The following SART1 variants were observed in gnomAD, a reference collection of about 807,000 sequenced individuals.
SART1 encodes spliceosome associated factor 1, recruiter of U4/U6.U5 tri-snRNP.
Under a neutral mutation model 105.0 loss-of-function variants are expected in SART1, and 28 were observed. That is an observed-to-expected ratio of 0.27 (90% CI 0.20 to 0.37). The LOEUF (loss-of-function observed/expected upper bound fraction) is 0.37, where lower values mean the gene tolerates loss of function less well. Among genes scored for constraint, SART1 ranks in the 10% least tolerant of loss-of-function variants. SART1 has a pLI of 1.00. For synonymous variants in SART1, 472 were observed against 462.9 expected (o/e 1.02, Z -0.25); for missense variants, 894 against 1,106.5 (o/e 0.81, Z 2.72).
At position 65,965,968 on chromosome 11, in the gene SART1, C is replaced by T. The variant is rs922649812; in HGVS notation, c.820C>T (p.Leu274Phe). 2 of 1,614,106 alleles carry T rather than the reference C, an allele frequency of 1.2e-6. No individual in the cohort carries two copies. Among genetic ancestry groups the T allele is most frequent in the African/African-American group, 2.7e-5 (2 of 75,050 alleles). Reference sequence around the variant, plus strand: ...CTTCCGAGAAGGGGAGACAATGATTCTTACCCTCAAGGACAAAGGTAATGC... The same window carrying T: ...CTTCCGAGAAGGGGAGACAATGATTTTTACCCTCAAGGACAAAGGTAATGC... Reference protein sequence around the residue: ...DSFREGETMILTLKDKGVLQE... With the variant: ...DSFREGETMIFTLKDKGVLQE... Residue 274 changes from leucine (L) to phenylalanine (F), a missense_variant, in exon 7 of 20, where the codon CTT becomes TTT. Physicochemically the swap from Leu to Phe is conservative, Grantham distance 22. Around this residue, in one of 2 missense-constraint regions of SART1, gnomAD observed 712 missense variants for 778.2 expected, o/e 0.91. Transcript: ENST00000312397.
chr11:65,966,456 G>T lies in SART1; in HGVS notation c.1088G>T (p.Arg363Leu). The change falls in exon 9 of 20, where the codon CGG becomes CTG. Residue 363 changes from arginine (R) to leucine (L), a missense_variant. By Grantham distance (102) the Arg-to-Leu change is moderately radical. Coordinates refer to ENST00000312397, the MANE Select transcript of SART1 (RefSeq NM_005146.5). ...GGCACGGCTGATGGCCTGCGGGAGC[G>T]GGAGCTGGAGGAGATCCGGGCCAAG... is the stretch of plus-strand genomic sequence containing the variant. ...QGGTADGLRE[R>L]ELEEIRAKLR... The T allele has an allele frequency of 1.2e-6, 2 of 1,612,930 alleles. No individual in the cohort carries two copies. Among genetic ancestry groups the T allele is most frequent in the African/African-American group, 2.7e-5 (2 of 75,078 alleles).
chr11:65,977,456 A>T, intron 15 of SART1, 107 bp from the exon 16 acceptor site: 1 of 905,376 alleles, frequency 1.1e-6, no homozygotes, highest in East Asian at 2.5e-5. Context: ...GGCTTTCCAG[A>T]GGCAAGGAAA....
At chr11:65,967,120 C>A in intron 9 of SART1, 139 bp from the exon 10 acceptor site, 1 of 1,250,890 alleles carries the variant, frequency 8.0e-7, no homozygotes. Flanking sequence ...GTAACCACCC[C>A]ACATGTTGCT....
chr11:65,965,620 C>A, intron 5 of SART1, 82 bp from the exon 6 acceptor site: 2 of 1,449,602 alleles, frequency 1.4e-6, no homozygotes, highest in Non-Finnish European at 1.9e-6. Context: ...GCCCTTTTTG[C>A]ACTCCGCTTG....
At chr11:65,962,465 GA>G (rs1855166724) in intron 1 of SART1, among the ~76,000 whole-genome samples, 1 of 152,252 alleles carries the variant, frequency 6.6e-6, no homozygotes, top group Admixed American at 6.5e-5. Flanking sequence ...TTGAATGAGT[GA>G]ATGAAGTAGT....
Position 65,964,095 on chromosome 11 carries a change from C to T in SART1, c.335C>T (p.Ser112Leu), listed in dbSNP as rs1384347708. 6.2e-7 allele frequency: 1 copy of T among 1,612,908 alleles called. No individual in the cohort carries two copies. The highest frequency in any genetic ancestry group is 1.1e-5 in the South Asian group (1 of 91,078). ...CCAGCTGCCAGCTCCAAAACTAGCT[C>T]AGGCGATGCCTCCTCACTCAGCATC... ...YEAAASSKTS[S>L]GDASSLSIEE... Residue 112 changes from serine (S) to leucine (L), a missense_variant, in exon 2 of 20, where the codon TCA becomes TTA. This residue lies in a region of SART1 where 712 missense variants were observed against 778.2 expected (regional missense o/e 0.91). Transcript: ENST00000312397.
rs769102326 is a variant in SART1 at position 65,976,707 on chromosome 11, G to A, written c.1798G>A (p.Gly600Arg). The A allele has an allele frequency of 7.4e-6, 12 of 1,613,596 alleles. No individual in the cohort carries two copies. The highest frequency in any genetic ancestry group is 2.2e-5 in the South Asian group (2 of 91,072). Residue 600 changes from glycine (G) to arginine (R), a missense_variant, in exon 14 of 20, where the codon GGG becomes AGG. Around this residue, in one of 2 missense-constraint regions of SART1, gnomAD observed 182 missense variants for 328.3 expected, o/e 0.55. Transcript: ENST00000312397. This position sits in a 1 kb window ranked among gnomAD's most constrained non-coding sequence, Gnocchi z 5.1. ...AGCCAACGGTGGCTCCGAATCTGACGGGGAGGAGAACATCGGCTGGAGCAC... is the reference window on the plus strand; with the variant it reads ...AGCCAACGGTGGCTCCGAATCTGACAGGGAGGAGAACATCGGCTGGAGCAC... ...RSANGGSESD[G>R]EENIGWSTVN...
At position 65,979,085 on chromosome 11, in the gene SART1, C is replaced by G. The variant is rs1213726421; in HGVS notation, c.*55C>G. On this transcript the variant is annotated 3_prime_UTR_variant, in exon 20 of 20. Transcript: ENST00000312397. Reference sequence around the variant, plus strand: ...ACCTTCATATTAAATAAAGCTCCCTCCTTATTTTTTCCTCCCTGGTCGTGG... The same window carrying G: ...ACCTTCATATTAAATAAAGCTCCCTGCTTATTTTTTCCTCCCTGGTCGTGG... 12 of 1,611,304 alleles carry G rather than the reference C, an allele frequency of 7.4e-6. No individual in the cohort carries two copies. In the East Asian group the frequency reaches 2.7e-4, roughly 36 times the overall value.
rs1029105963 is a variant in SART1 at position 65,976,196 on chromosome 11, C to T, written c.1573-199C>T. Among the ~76,000 whole-genome samples the T allele has an allele frequency of 2.0e-5, 3 of 152,038 alleles. No homozygotes were observed. The highest frequency in any genetic ancestry group is 7.2e-5 in the African/African-American group (3 of 41,390). ...TATTCATTCAAAGGGCATCCAAACC[C>T]ATTGATGGGTTTGGAGCAGAAGAGT... On this transcript the variant is annotated intron_variant, in intron 12 of 19. Coordinates refer to ENST00000312397, the MANE Select transcript of SART1 (RefSeq NM_005146.5). This position sits in a 1 kb window ranked among gnomAD's most constrained non-coding sequence, Gnocchi z 5.1.
In SART1 at chr11:65,976,856, CAT is replaced by C; in HGVS notation, c.1857+91_1857+92del. On this transcript the variant is annotated intron_variant, in intron 14 of 19. Coordinates refer to ENST00000312397, the MANE Select transcript of SART1 (RefSeq NM_005146.5). The surrounding 1 kb of genome is among the most constrained non-coding windows in gnomAD (Gnocchi z 5.1). ...TCGGTGTCCAGAGCCTCAGCCTCCTCATCCAGAGTGGGCTCTGCAGACCTCCC... is the reference window on the plus strand; with the variant it reads ...TCGGTGTCCAGAGCCTCAGCCTCCTCCCAGAGTGGGCTCTGCAGACCTCCC... The C allele has an allele frequency of 8.1e-7, 1 of 1,232,022 alleles. No individual in the cohort carries two copies. Among genetic ancestry groups the C allele is most frequent in the Non-Finnish European group, 1.2e-6 (1 of 865,964 alleles). 76.3% of individuals were successfully genotyped at this position (1,232,022 alleles called of 1,614,324 possible).
At chr11:65,964,430 C>A in intron 2 of SART1, 85 bp from the exon 3 acceptor site, 1 of 1,507,700 alleles carries the variant, frequency 6.6e-7, no homozygotes, top group Non-Finnish European at 9.2e-7. Context: ...TCACTCCCAC[C>A]CTGTTTCTCC....
rs1350037522 is a variant in SART1, at chr11:65,980,064, G to C, written c.*1034G>C. 1.3e-5 allele frequency among the ~76,000 whole-genome samples: 2 copies of C among 152,104 alleles called. No individual in the cohort carries two copies. Among genetic ancestry groups the C allele is most frequent in the African/African-American group, 2.4e-5 (1 of 41,410 alleles). ...GGAGACACAGGCTGCAGTGGGCCCTGATTGAGCCACCACACTGCAGCCTAG... is the reference window on the plus strand; with the variant it reads ...GGAGACACAGGCTGCAGTGGGCCCTCATTGAGCCACCACACTGCAGCCTAG... On this transcript the variant is annotated 3_prime_UTR_variant, in exon 20 of 20. Coordinates refer to ENST00000312397, the MANE Select transcript of SART1 (RefSeq NM_005146.5).
At chr11:65,973,685 G>A (rs1412759446) in intron 12 of SART1, among the ~76,000 whole-genome samples, 1 of 152,226 alleles carries the variant, frequency 6.6e-6, no homozygotes, top group African/African-American at 2.4e-5. Flanking sequence ...CAGTGGGCCT[G>A]CAGCCGCAGT....
At chr11:65,977,973 G>T in intron 17 of SART1, 74 bp downstream of exon 17, 1 of 1,503,262 alleles carries the variant, frequency 6.7e-7, no homozygotes, top group Non-Finnish European at 9.0e-7. Flanking sequence ...GCAATGCCCC[G>T]GGCCATGCAA....
chr11:65,968,184 A>G (rs1443695632), intron 12 of SART1, among the ~76,000 whole-genome samples: 4 of 152,102 alleles, frequency 2.6e-5, no homozygotes, highest in Admixed American at 6.5e-5. Flanking sequence ...TCCTGACCTC[A>G]TGATCTGCCT....
At chr11:65,970,696 C>T (rs1465059052) in intron 12 of SART1, among the ~76,000 whole-genome samples, 1 of 150,104 alleles carries the variant, frequency 6.7e-6, no homozygotes, top group Non-Finnish European at 1.5e-5. Context: ...GAGTGGAGAG[C>T]AGATACACCC....
Position 65,978,057 on chromosome 11 carries a change from A to C in SART1, c.2172+158A>C. The C allele has an allele frequency of 1.3e-6, 1 of 743,884 alleles. No homozygotes were observed. Among genetic ancestry groups the C allele is most frequent in the South Asian group, 1.9e-5 (1 of 53,864 alleles). The allele number at this position is 743,884 out of a possible 1,614,324, so 46.1% of individuals were successfully genotyped here. The stretch of plus-strand genomic sequence containing the variant: ...TGCCACGGATGGGGAGGGGGCCCTC[A>C]GGGCTGAGGAAGGCTGTGCCTCAGT... On this transcript the variant is annotated intron_variant, in intron 17 of 19. Coordinates refer to ENST00000312397, the MANE Select transcript of SART1 (RefSeq NM_005146.5). The surrounding 1 kb of genome is among the most constrained non-coding windows in gnomAD (Gnocchi z 6.8).
At position 65,977,462 on chromosome 11, in the gene SART1, G is replaced by A. The variant is rs563858391; in HGVS notation, c.1946-101G>A. On this transcript the variant is annotated intron_variant, in intron 15 of 19. Coordinates refer to ENST00000312397, the MANE Select transcript of SART1 (RefSeq NM_005146.5). Reference sequence around the variant, plus strand: ...AGGCCTGATGGCTTTCCAGAGGCAAGGAAAGGGAGGTGCCCCCACAGGGCC... The same window carrying A: ...AGGCCTGATGGCTTTCCAGAGGCAAAGAAAGGGAGGTGCCCCCACAGGGCC... 8.2e-6 allele frequency: 8 copies of A among 973,546 alleles called. No homozygotes were observed. The East Asian group carries it at 2.0e-4, about 24-fold the overall frequency. 60.3% of individuals were successfully genotyped at this position (973,546 alleles called of 1,614,324 possible).
rs1410155804 is a variant in SART1, at chr11:65,962,025, A to G, written c.245A>G (p.Glu82Gly). ...GCCCGGAGCAGCACGCACGGGCGGG[A>G]GCGCAGCCAGGCAGAGCCCTCCGAG... ...AEARSSTHGR[E>G]RSQAEPSERR... The change falls in exon 1 of 20, where the codon GAG becomes GGG. Residue 82 changes from glutamate (E) to glycine (G), a missense_variant. By Grantham distance (98) the Glu-to-Gly change is moderately conservative (BLOSUM62 -2). Transcript: ENST00000312397. 3 of 1,509,900 alleles carry G rather than the reference A, an allele frequency of 2.0e-6. No homozygotes were observed. The highest frequency in any genetic ancestry group is 1.8e-6 in the Non-Finnish European group (2 of 1,134,658). The allele number at this position is 1,509,900 out of a possible 1,614,324, so 93.5% of individuals were successfully genotyped here. A position where few individuals can be genotyped will look rare whatever the true frequency, so the allele number is the denominator to read the frequency against.
Sources: gnomAD v4.1 joint callset for allele counts (sites outside exome capture counted in the v4.1 genomes callset) on GRCh38, gnomAD v4.1.1 for gene constraint, gnomAD v4.1.1 regional missense constraint, Gnocchi (gnomAD v3.1) non-coding constraint, MANE v1.5 for transcripts, NCBI Gene and HGNC (gene_info 2026-07-23, HGNC 2026-07-21) for gene names.